The following SYT1 variants were observed in gnomAD, a reference collection of about 807,000 sequenced individuals.
The protein encoded by SYT1 is synaptotagmin-1.
Under a neutral mutation model 44.8 loss-of-function variants are expected in SYT1, and 8 were observed. That is an observed-to-expected ratio of 0.18 (90% CI 0.10 to 0.32). The LOEUF is 0.32. Ranked by LOEUF, SYT1 falls within the 10% of genes least tolerant of loss-of-function variation. SYT1 has a pLI of 1.00. For missense variants in SYT1, 286 were observed against 509.3 expected (o/e 0.56, Z 4.22); for synonymous variants, 154 against 188.8 (o/e 0.82, Z 1.51).
intron 2 of SYT1, among the ~76,000 whole-genome samples, chr12:79,008,272 ACT>A (rs1871214888): frequency 6.6e-6 from 1 of 151,984 alleles, no homozygotes; most frequent in Admixed American, 6.6e-5. Flanking sequence ...GGCAAGAGTG[ACT>A]CTGGTTTGTT....
intron 9 of SYT1, among the ~76,000 whole-genome samples, chr12:79,441,303 G>GTTGTTGTTT (rs1870400873): frequency 6.6e-6 from 1 of 152,086 alleles, no homozygotes; most frequent in East Asian, 1.9e-4. Context: ...TGTTGTTGTT[G>GTTGTTGTTT]TTGTTGCTGC....
intron 9 of SYT1, among the ~76,000 whole-genome samples, chr12:79,433,062 C>G (rs1272392480): frequency 1.3e-5 from 2 of 152,062 alleles, no homozygotes; most frequent in Non-Finnish European, 2.9e-5. Flanking sequence ...TGATTTTTTT[C>G]ACTTTTTAGA....
At chr12:79,394,909 A>G (rs1354747952) in intron 9 of SYT1, among the ~76,000 whole-genome samples, 1 of 152,226 alleles carries the variant, frequency 6.6e-6, no homozygotes. Context: ...TACCTCCATA[A>G]TTACCAATAG....
intron 3 of SYT1, among the ~76,000 whole-genome samples, chr12:79,114,317 G>T (rs1397878046): frequency 6.6e-6 from 1 of 152,130 alleles, no homozygotes; most frequent in South Asian, 2.1e-4. Flanking sequence ...TTTACTGTTG[G>T]ATTTCCCTTG....
Position 79,342,727 on chromosome 12 carries a change from G to A in SYT1, c.811-10775G>A, listed in dbSNP as rs931488825. On this transcript the variant is annotated intron_variant, in intron 8 of 10. Coordinates refer to ENST00000261205, the MANE Select transcript of SYT1 (RefSeq NM_005639.3). Reference sequence around the variant, plus strand: ...AAGAAGTCAATGATCAACGATCAGTGATAATGCCCAGTTTTCTGGCTTAAG... The same window carrying A: ...AAGAAGTCAATGATCAACGATCAGTAATAATGCCCAGTTTTCTGGCTTAAG... 3.9e-5 allele frequency among the ~76,000 whole-genome samples: 6 copies of A among 152,326 alleles called. No homozygotes were observed. In the South Asian group the frequency reaches 1.2e-3, roughly 32 times the overall value.
chr12:79,250,894 G>A (rs34081632), intron 4 of SYT1, among the ~76,000 whole-genome samples: 1 of 152,012 alleles, frequency 6.6e-6, no homozygotes, highest in Non-Finnish European at 1.5e-5. Flanking sequence ...ATCTCTCTTA[G>A]GCAGGTGTCC....
At chr12:79,293,325 AAAAAT>A (rs71091659) in intron 6 of SYT1, among the ~76,000 whole-genome samples, 3,470 of 111,398 alleles carry the variant, frequency 0.031, 47 homozygotes, top group Non-Finnish European at 0.047. Context: ...CTCCATCTCA[AAAAAT>A]AAAATAAAAT....
chr12:79,172,863 G>A (rs1197662185), intron 3 of SYT1, among the ~76,000 whole-genome samples: 2 of 147,548 alleles, frequency 1.4e-5, no homozygotes, highest in Non-Finnish European at 3.0e-5. Context: ...ATAATACTGG[G>A]TTTCAAACTC....
intron 3 of SYT1, among the ~76,000 whole-genome samples, chr12:79,091,202 T>C (rs1877752569): frequency 6.6e-6 from 1 of 151,940 alleles, no homozygotes; most frequent in Non-Finnish European, 1.5e-5. Context: ...GTTTTACATA[T>C]TAAAATAGGA....
intron 9 of SYT1, among the ~76,000 whole-genome samples, chr12:79,367,954 G>T (rs368818616): frequency 6.6e-6 from 1 of 151,528 alleles, no homozygotes; most frequent in Non-Finnish European, 1.5e-5. Flanking sequence ...TGCACAATGC[G>T]CAGGTTAGTT....
Position 78,931,220 on chromosome 12 carries a change from AAAGAAAGAAAGAAAGAAAG to A in SYT1, c.-216-46575_-216-46557del, listed in dbSNP as rs1565723279. On this transcript the variant is annotated intron_variant, in intron 1 of 10. Coordinates refer to ENST00000261205, the MANE Select transcript of SYT1 (RefSeq NM_005639.3). ...GAAAGAAAGAAAGAAAGAAAGAAAGAAAGAAAGAAAGAAAGAAAGAAGGAAGGAAGGAAGGAAGGAAGGA... is the reference window on the plus strand; with the variant it reads ...GAAAGAAAGAAAGAAAGAAAGAAAGAAAGGAAGGAAGGAAGGAAGGAAGGA... Among the ~76,000 whole-genome samples, 139 of 59,090 alleles carry A rather than the reference AAAGAAAGAAAGAAAGAAAG, an allele frequency of 2.4e-3. 5 individuals are homozygous for A. Among genetic ancestry groups the A allele is most frequent in the African/African-American group, 8.8e-3 (93 of 10,562 alleles). 38.8% of individuals were successfully genotyped at this position (59,090 alleles called of 152,430 possible). A position where few individuals can be genotyped will look rare whatever the true frequency, so the allele number is the denominator to read the frequency against.
At chr12:79,100,824 G>A (rs966361422) in intron 3 of SYT1, among the ~76,000 whole-genome samples, 3 of 151,908 alleles carry the variant, frequency 2.0e-5, no homozygotes, top group Non-Finnish European at 4.4e-5. Flanking sequence ...ACACATAAAT[G>A]TATAATAACT....
intron 2 of SYT1, among the ~76,000 whole-genome samples, chr12:79,029,200 G>GT (rs1482658358): frequency 1.3e-5 from 2 of 150,926 alleles, no homozygotes; most frequent in Non-Finnish European, 3.0e-5. Context: ...GTGCAGATTT[G>GT]TTTTTGTTTT....
chr12:79,317,589 C>T (rs918206423), intron 8 of SYT1, among the ~76,000 whole-genome samples: 1 of 152,128 alleles, frequency 6.6e-6, no homozygotes, highest in African/African-American at 2.4e-5. Flanking sequence ...CAGCTCAAGT[C>T]AAGCTATCTA....
rs1359549626 is a variant in SYT1, at chr12:79,437,081, T to C, written c.929-6992T>C. 2.0e-5 allele frequency among the ~76,000 whole-genome samples: 3 copies of C among 152,120 alleles called. No homozygotes were observed. The East Asian group carries it at 5.8e-4, about 29-fold the overall frequency. ...AAGGACGGCCAGTTCAAAGACACAG[T>C]ATTTAAAATTCTCCATGAGGAATAG... is the stretch of plus-strand genomic sequence containing the variant. On this transcript the variant is annotated intron_variant, in intron 9 of 10. Coordinates refer to ENST00000261205, the MANE Select transcript of SYT1 (RefSeq NM_005639.3).
intron 5 of SYT1, among the ~76,000 whole-genome samples, chr12:79,286,192 C>T (rs1351860662): frequency 6.6e-6 from 1 of 152,082 alleles, no homozygotes; most frequent in Non-Finnish European, 1.5e-5. Flanking sequence ...AAAGGGCATC[C>T]ATGATCATCA....
intron 4 of SYT1, among the ~76,000 whole-genome samples, chr12:79,231,520 G>A (rs553053200): frequency 2.0e-5 from 3 of 151,602 alleles, no homozygotes; most frequent in Admixed American, 6.6e-5. Context: ...AGTAGACAAC[G>A]AATAATAGAA....
At chr12:79,296,031 T>G in intron 6 of SYT1, 38 bp from the exon 7 acceptor site, 2 of 1,565,042 alleles carry the variant, frequency 1.3e-6, no homozygotes, top group Non-Finnish European at 8.6e-7. Context: ...AAATGTCCAC[T>G]GATATTTATG....
intron 8 of SYT1, among the ~76,000 whole-genome samples, chr12:79,324,035 C>T (rs891720714): frequency 6.6e-6 from 1 of 150,386 alleles, no homozygotes; most frequent in Non-Finnish European, 1.5e-5. Flanking sequence ...ACTACCACCT[C>T]CACCTCCCGT....
Sources: gnomAD v4.1 joint callset for allele counts (sites outside exome capture counted in the v4.1 genomes callset) on GRCh38, gnomAD v4.1.1 for gene constraint, MANE v1.5 for transcripts, NCBI Gene and HGNC (gene_info 2026-07-23, HGNC 2026-07-21) for gene names.